The following CELF2 variants were observed in gnomAD, a reference collection of about 807,000 sequenced individuals.
CELF2 encodes the protein CUG triplet repeat RNA-binding protein 2.
Under a neutral mutation model 62.6 loss-of-function variants are expected in CELF2, and 8 were observed. The observed-to-expected ratio is 0.13, with a 90% CI of 0.07 to 0.23. CELF2 has a LOEUF of 0.23. CELF2 is among the 10% of genes least tolerant of loss of function. CELF2 has a pLI of 1.00. For missense variants in CELF2, 333 were observed against 671.0 expected (o/e 0.50, Z 5.56); for synonymous variants, 258 against 250.0 (o/e 1.03, Z -0.30).
the CELF2 span, among the ~76,000 whole-genome samples, chr10:10,771,540 G>A: frequency 6.6e-6 from 1 of 152,208 alleles, no homozygotes; most frequent in East Asian, 1.9e-4. Context: ...CCTATGTATT[G>A]TGGGAGGGAC....
the CELF2 span, among the ~76,000 whole-genome samples, chr10:10,719,145 A>T: frequency 8.6e-5 from 13 of 151,890 alleles, no homozygotes; most frequent in African/African-American, 2.7e-4. Flanking sequence ...TTTTTAGTAG[A>T]GATGGGATTT....
chr10:11,184,527 A>G (rs955906553), intron 2 of CELF2, among the ~76,000 whole-genome samples: 1 of 152,242 alleles, frequency 6.6e-6, no homozygotes, highest in African/African-American at 2.4e-5. Flanking sequence ...CTTCAAAACC[A>G]TGAAGTGGTA....
At chr10:11,203,494 C>T (rs985097593) in intron 2 of CELF2, among the ~76,000 whole-genome samples, 2 of 152,048 alleles carry the variant, frequency 1.3e-5, no homozygotes, top group East Asian at 1.9e-4. Context: ...AGACATGGAG[C>T]GGTGAAGAAG....
chr10:11,322,291 G>A (rs2095483196), intron 11 of CELF2, among the ~76,000 whole-genome samples: 1 of 152,172 alleles, frequency 6.6e-6, no homozygotes, highest in Non-Finnish European at 1.5e-5. Flanking sequence ...GGTCTTCAGG[G>A]AAAGCAAGTA....
intron 1 of CELF2, among the ~76,000 whole-genome samples, chr10:10,832,698 T>G (rs774547060): frequency 1.3e-5 from 2 of 152,162 alleles, no homozygotes; most frequent in African/African-American, 2.4e-5. Context: ...TTACAGGACC[T>G]TTTCCCTAGG....
chr10:11,185,731 T>C (rs2074695866), intron 2 of CELF2, among the ~76,000 whole-genome samples: 1 of 152,222 alleles, frequency 6.6e-6, no homozygotes, highest in Admixed American at 6.5e-5. Context: ...ATGATTTTAT[T>C]GGATTCCATT....
intron 3 of CELF2, among the ~76,000 whole-genome samples, chr10:11,234,607 G>T (rs12256282): frequency 1.6e-5 from 2 of 124,494 alleles, no homozygotes; most frequent in East Asian, 2.3e-4. Flanking sequence ...GCGTGAACCC[G>T]GGGGGCGGAG....
In CELF2 at chr10:11,254,972, G is replaced by A. The variant is rs554574371; in HGVS notation, c.404-2766G>A. On this transcript the variant is annotated intron_variant, in intron 4 of 12. Transcript: ENST00000633077. ...TTCACGGGAATGCCACTTTCTCACA[G>A]GGCCTCCCCCACCAGAATCCTCCCA... is the stretch of plus-strand genomic sequence containing the variant. Among the ~76,000 whole-genome samples the A allele has an allele frequency of 3.9e-5, 6 of 152,186 alleles. No individual in the cohort carries two copies. In the East Asian group the frequency reaches 1.2e-3, roughly 29 times the overall value.
intron 2 of CELF2, among the ~76,000 whole-genome samples, chr10:11,195,936 A>G (rs2057343202): frequency 6.6e-6 from 1 of 152,204 alleles, no homozygotes; most frequent in Admixed American, 6.5e-5. Context: ...ATGCAGTCAC[A>G]AAATATTAAT....
intron 9 of CELF2, among the ~76,000 whole-genome samples, chr10:11,312,106 C>A (rs1270206037): frequency 6.6e-6 from 1 of 152,078 alleles, no homozygotes; most frequent in Admixed American, 6.5e-5. Context: ...GACCTCTCAA[C>A]AGTAATAATG....
chr10:11,235,795 A>G (rs1431228918), intron 3 of CELF2, among the ~76,000 whole-genome samples: 2 of 149,442 alleles, frequency 1.3e-5, no homozygotes, highest in Admixed American at 1.3e-4. Context: ...TATTTTTAGG[A>G]GAGAAGTTTT....
chr10:10,694,619 G>T, the CELF2 span, among the ~76,000 whole-genome samples: 1 of 151,858 alleles, frequency 6.6e-6, no homozygotes, highest in African/African-American at 2.4e-5. Context: ...GGGTGTTAAA[G>T]TCTCCCATTA....
chr10:11,070,625 C>G (rs1181520025), intron 1 of CELF2, among the ~76,000 whole-genome samples: 1 of 152,038 alleles, frequency 6.6e-6, no homozygotes, highest in Non-Finnish European at 1.5e-5. Flanking sequence ...ATGAAATCAT[C>G]TGGGGGGAGG....
At chr10:11,131,626 C>A (rs77849594) in intron 1 of CELF2, among the ~76,000 whole-genome samples, 1,623 of 152,306 alleles carry the variant, frequency 0.011, 24 homozygotes, top group African/African-American at 0.037. Flanking sequence ...TAGTATGGAT[C>A]CATGGAGGAA....
the CELF2 span, among the ~76,000 whole-genome samples, chr10:10,603,188 A>G: frequency 3.5e-3 from 539 of 152,216 alleles, 1 homozygote; most frequent in African/African-American, 0.011. Context: ...GTAGAGCTTT[A>G]ATAGTGTACT....
chr10:10,582,267 C>T, the CELF2 span, among the ~76,000 whole-genome samples: 4 of 152,182 alleles, frequency 2.6e-5, no homozygotes, highest in Non-Finnish European at 4.4e-5. Flanking sequence ...AAGCCCCTTA[C>T]AACATTTTAA....
intron 1 of CELF2, among the ~76,000 whole-genome samples, chr10:10,828,774 G>C (rs1258671822): frequency 2.0e-5 from 3 of 152,214 alleles, no homozygotes; most frequent in African/African-American, 2.4e-5. Context: ...GGCTAAGACT[G>C]ATATTCTGAA....
chr10:10,506,667 T>C, the CELF2 span, among the ~76,000 whole-genome samples: 1 of 125,876 alleles, frequency 7.9e-6, no homozygotes, highest in Non-Finnish European at 1.6e-5. Context: ...CCACCTCCTG[T>C]GAATTTTTTT....
At chr10:10,785,383 A>G in the CELF2 span, among the ~76,000 whole-genome samples, 1 of 152,220 alleles carries the variant, frequency 6.6e-6, no homozygotes, top group Admixed American at 6.5e-5. Context: ...TATATATCCA[A>G]AGGAAATAAA....
Sources: gnomAD v4.1 joint callset for allele counts (sites outside exome capture counted in the v4.1 genomes callset) on GRCh38, gnomAD v4.1.1 for gene constraint, MANE v1.5 for transcripts, NCBI Gene and HGNC (gene_info 2026-07-23, HGNC 2026-07-21) for gene names.